The following EPHA6 variants were observed in gnomAD, a reference collection of about 807,000 sequenced individuals.
EPHA6 encodes the protein ephrin type-A receptor 6.
EPHA6 carries 50 observed loss-of-function variants against 112.0 expected under a neutral mutation model. The observed-to-expected ratio is 0.45, with a 90% CI of 0.36 to 0.56. EPHA6 has a LOEUF of 0.56. Ranked by LOEUF, EPHA6 falls within the 20% of genes least tolerant of loss-of-function variation. The pLI, the probability that EPHA6 is intolerant of heterozygous loss-of-function variation, is 0.00. For missense variants in EPHA6, 1,280 were observed against 1,417.4 expected, an observed-to-expected ratio of 0.90 and a Z score of 1.56; for synonymous variants, 529 against 490.7, an observed-to-expected ratio of 1.08 and a Z score of -1.03.
chr3:96,975,072 C>A (rs571216768), intron 2 of EPHA6, among the ~76,000 whole-genome samples: 1 of 152,018 alleles, frequency 6.6e-6, no homozygotes, highest in East Asian at 1.9e-4. Context: ...AAAGACAGGG[C>A]GGAGCAAAGC....
chr3:97,581,427 G>A (rs903217641), intron 11 of EPHA6, among the ~76,000 whole-genome samples: 10 of 152,096 alleles, frequency 6.6e-5, no homozygotes, highest in Non-Finnish European at 1.3e-4. Flanking sequence ...ACCCCTATAT[G>A]CAACATGCCA....
intron 3 of EPHA6, among the ~76,000 whole-genome samples, chr3:97,053,320 A>G (rs1004500064): frequency 6.6e-6 from 1 of 152,076 alleles, no homozygotes; most frequent in Non-Finnish European, 1.5e-5. Flanking sequence ...AAGGACTAGT[A>G]AGTTCAATTC....
intron 3 of EPHA6, among the ~76,000 whole-genome samples, chr3:97,037,419 A>G (rs1380081175): frequency 3.3e-5 from 5 of 152,072 alleles, no homozygotes; most frequent in Non-Finnish European, 7.4e-5. Flanking sequence ...AATAAAGTAC[A>G]ACAGCAGAGA....
At chr3:97,694,643 G>A (rs1443478459) in intron 14 of EPHA6, among the ~76,000 whole-genome samples, 1 of 152,210 alleles carries the variant, frequency 6.6e-6, no homozygotes, top group African/African-American at 2.4e-5. Flanking sequence ...GTCCTTGGAA[G>A]TCACTTCACT....
intron 3 of EPHA6, among the ~76,000 whole-genome samples, chr3:97,185,455 G>A (rs568921016): frequency 0.014 from 2,172 of 151,592 alleles, 54 homozygotes; most frequent in African/African-American, 0.048. Flanking sequence ...GCCAACAGAT[G>A]CATGAAAAAA....
chr3:97,702,051 C>T (rs996142035), intron 14 of EPHA6, among the ~76,000 whole-genome samples: 2 of 152,168 alleles, frequency 1.3e-5, no homozygotes, highest in African/African-American at 4.8e-5. Context: ...GAATCTTTCA[C>T]CCAGTTGTAC....
intron 3 of EPHA6, among the ~76,000 whole-genome samples, chr3:97,221,308 CAAAAAAAAAAAAAA>C (rs57025573): frequency 3.1e-4 from 5 of 16,392 alleles, no homozygotes; most frequent in Non-Finnish European, 7.2e-4. Context: ...GACTCTGTCT[CAAAAAAAAAAAAAA>C]AAAAAAAAAA....
At chr3:97,569,424 T>C (rs1188813879) in intron 11 of EPHA6, among the ~76,000 whole-genome samples, 2 of 152,184 alleles carry the variant, frequency 1.3e-5, no homozygotes, top group Admixed American at 1.3e-4. Context: ...TGATTTTGTA[T>C]TCATTGGCAG....
At chr3:97,187,725 GA>G (rs1553718577) in intron 3 of EPHA6, among the ~76,000 whole-genome samples, 1 of 148,044 alleles carries the variant, frequency 6.8e-6, no homozygotes, top group Non-Finnish European at 1.5e-5. Context: ...AAGAAAGAAA[GA>G]AAGAAAGAAA....
chr3:96,847,106 C>T (rs1196993158), intron 1 of EPHA6, among the ~76,000 whole-genome samples: 1 of 152,006 alleles, frequency 6.6e-6, no homozygotes, highest in Non-Finnish European at 1.5e-5. Flanking sequence ...GTTTATTTCT[C>T]ATTTTTCTTC....
chr3:97,064,555 C>A (rs975509712), intron 3 of EPHA6, among the ~76,000 whole-genome samples: 3 of 152,136 alleles, frequency 2.0e-5, no homozygotes, highest in South Asian at 2.1e-4. Context: ...TGGTCCAGTG[C>A]CTGACACATA....
chr3:97,047,052 G>A (rs1353827350), intron 3 of EPHA6, among the ~76,000 whole-genome samples: 4 of 151,942 alleles, frequency 2.6e-5, no homozygotes, highest in Non-Finnish European at 5.9e-5. Flanking sequence ...ATATTTTTAA[G>A]TATTTGATTT....
At chr3:97,016,204 A>G (rs2044261753) in intron 3 of EPHA6, among the ~76,000 whole-genome samples, 1 of 152,176 alleles carries the variant, frequency 6.6e-6, no homozygotes, top group Non-Finnish European at 1.5e-5. Flanking sequence ...AGTTATTTAT[A>G]TAGAAGTTAA....
At chr3:97,559,639 G>A (rs1038915714) in intron 11 of EPHA6, 2 of 455,320 alleles carry the variant, frequency 4.4e-6, no homozygotes, top group Non-Finnish European at 8.8e-6. Context: ...GGGGAAGCAG[G>A]CTTTCTAAAG....
rs567395392 is a variant in EPHA6, at chr3:97,565,922, C to A, written c.2387-26690C>A. Among the ~76,000 whole-genome samples, 424 of 148,198 alleles carry A rather than the reference C, an allele frequency of 2.9e-3. 1 individual carries two copies. The highest frequency in any genetic ancestry group is 3.5e-3 in the Non-Finnish European group (237 of 67,682). On this transcript the variant is annotated intron_variant, in intron 11 of 17. Coordinates refer to ENST00000389672, the MANE Select transcript of EPHA6 (RefSeq NM_001080448.3). ...GTCCCAGCTACATGGGAGGCTGAGG[C>A]AGGAGAATTGCTTGAACTCGGGAGG...
intron 5 of EPHA6, among the ~76,000 whole-genome samples, chr3:97,311,722 T>G (rs1191848991): frequency 6.9e-6 from 1 of 145,406 alleles, no homozygotes; most frequent in Non-Finnish European, 1.5e-5. Flanking sequence ...AAGGAATATT[T>G]CTACAATCTT....
At chr3:96,917,817 G>T (rs2039564865) in intron 2 of EPHA6, among the ~76,000 whole-genome samples, 1 of 152,068 alleles carries the variant, frequency 6.6e-6, no homozygotes, top group South Asian at 2.1e-4. Context: ...CGGGTGAGAA[G>T]GAACCAGTGT....
chr3:97,032,138 T>G (rs1167629686), intron 3 of EPHA6, among the ~76,000 whole-genome samples: 1 of 152,118 alleles, frequency 6.6e-6, no homozygotes, highest in Admixed American at 6.6e-5. Context: ...TGAGTTCATG[T>G]CCTTTGTAGG....
intron 4 of EPHA6, among the ~76,000 whole-genome samples, chr3:97,227,644 A>T (rs2078399891): frequency 6.6e-6 from 1 of 152,218 alleles, no homozygotes; most frequent in African/African-American, 2.4e-5. Context: ...ACGCTGAGTG[A>T]GGTGGTCAAA....
Sources: gnomAD v4.1 joint callset for allele counts (sites outside exome capture counted in the v4.1 genomes callset) on GRCh38, gnomAD v4.1.1 for gene constraint, MANE v1.5 for transcripts, NCBI Gene and HGNC (gene_info 2026-07-23, HGNC 2026-07-21) for gene names.